The following DLGAP2 variants were observed in gnomAD, a reference collection of about 807,000 sequenced individuals.
DLGAP2 encodes disks large-associated protein 2.
Under a neutral mutation model 100.3 loss-of-function variants are expected in DLGAP2, and 26 were observed. The observed-to-expected ratio is 0.26, with a 90% CI of 0.19 to 0.36. The LOEUF is 0.36. DLGAP2 is among the 10% of genes least tolerant of loss of function. DLGAP2 has a pLI of 1.00. For missense variants in DLGAP2, 1,858 were observed against 1,453.2 expected (o/e 1.28, Z -4.53); for synonymous variants, 886 against 630.1 (o/e 1.41, Z -6.08).
intron 3 of DLGAP2, among the ~76,000 whole-genome samples, chr8:1,444,066 C>T (rs767615510): frequency 6.6e-6 from 1 of 152,028 alleles, no homozygotes; most frequent in African/African-American, 2.4e-5. Context: ...GGAAAAAAAC[C>T]ATGCTCTCCC....
chr8:850,383 G>T (rs1797163379), intron 1 of DLGAP2, among the ~76,000 whole-genome samples: 1 of 151,982 alleles, frequency 6.6e-6, no homozygotes, highest in African/African-American at 2.4e-5. Flanking sequence ...TCTGCACTTT[G>T]TGCAGAAATT....
intron 4 of DLGAP2, among the ~76,000 whole-genome samples, chr8:1,524,689 C>G (rs190497389): frequency 6.6e-6 from 1 of 152,172 alleles, no homozygotes; most frequent in Admixed American, 6.5e-5. Context: ...AAAAAACCTT[C>G]TCATTGCCTT....
At chr8:1,621,667 G>C (rs937750490) in intron 6 of DLGAP2, 10 of 152,440 alleles carry the variant, frequency 6.6e-5, no homozygotes, top group African/African-American at 1.9e-4. Context: ...TCACATCTCG[G>C]AGGCACCGTC....
chr8:831,207 CTT>C (rs59545503), intron 1 of DLGAP2, among the ~76,000 whole-genome samples: 11,492 of 127,538 alleles, frequency 0.09, 1,094 homozygotes, highest in East Asian at 0.49. Context: ...CCAGCAGTCA[CTT>C]TTTTTTTTTT....
rs1585066036 is a variant in DLGAP2, at chr8:1,688,857, T to A, written c.2705-2678T>A. Among the ~76,000 whole-genome samples, 4 of 152,344 alleles carry A rather than the reference T, an allele frequency of 2.6e-5. No individual in the cohort carries two copies. In the East Asian group the frequency reaches 5.8e-4, roughly 22 times the overall value. On this transcript the variant is annotated intron_variant, in intron 12 of 14. Transcript: ENST00000637795. ...TTGACTTCTGGGTCACGGCGTGCCA[T>A]AAGCCCTTTCAAATCAAGGTTATCT...
intron 4 of DLGAP2, among the ~76,000 whole-genome samples, chr8:1,526,312 C>G (rs920509641): frequency 1.3e-5 from 2 of 151,976 alleles, no homozygotes; most frequent in African/African-American, 4.8e-5. Context: ...ACCTTCCTAC[C>G]TCTTACCTGC....
chr8:1,219,665 T>A (rs1256216922), intron 2 of DLGAP2, among the ~76,000 whole-genome samples: 1 of 152,114 alleles, frequency 6.6e-6, no homozygotes, highest in East Asian at 1.9e-4. Context: ...CTCCTTGATT[T>A]TTTGGAATAG....
At chr8:1,512,762 T>C (rs906344619) in intron 4 of DLGAP2, among the ~76,000 whole-genome samples, 3 of 152,372 alleles carry the variant, frequency 2.0e-5, no homozygotes, top group African/African-American at 7.2e-5. Context: ...CTTTGACTTA[T>C]CAATCTAAAG....
intron 3 of DLGAP2, among the ~76,000 whole-genome samples, chr8:1,329,663 T>A (rs149380032): frequency 3.7e-4 from 56 of 152,254 alleles, no homozygotes; most frequent in African/African-American, 9.9e-4. Context: ...GGTTGCCTTC[T>A]AACTGCAGAG....
chr8:834,112 G>A (rs918731713), intron 1 of DLGAP2, among the ~76,000 whole-genome samples: 7 of 152,180 alleles, frequency 4.6e-5, no homozygotes, highest in Non-Finnish European at 8.8e-5. Flanking sequence ...GCAACTCAGC[G>A]TTGCCTAGTA....
intron 1 of DLGAP2, among the ~76,000 whole-genome samples, chr8:826,691 C>T (rs760875808): frequency 1.2e-4 from 19 of 152,114 alleles, no homozygotes; most frequent in South Asian, 2.1e-4. Context: ...CTTCTCTGCC[C>T]GTCTGTGCTT....
intron 2 of DLGAP2, among the ~76,000 whole-genome samples, chr8:1,010,517 C>T (rs1042663566): frequency 2.0e-5 from 3 of 152,210 alleles, no homozygotes; most frequent in African/African-American, 7.2e-5. Context: ...GGCACACATA[C>T]GCCCACACAC....
chr8:1,494,724 T>TC (rs1383359663), intron 3 of DLGAP2, among the ~76,000 whole-genome samples: 2 of 150,298 alleles, frequency 1.3e-5, no homozygotes, highest in Non-Finnish European at 3.0e-5. Flanking sequence ...CCAGACTCCA[T>TC]CTAAAAAAAA....
chr8:1,284,509 G>A (rs741807), intron 3 of DLGAP2, among the ~76,000 whole-genome samples: 10,411 of 152,184 alleles, frequency 0.068, 1,090 homozygotes, highest in African/African-American at 0.23. Context: ...CAGTCCCCAC[G>A]CAAACCACGA....
At chr8:1,646,758 TGGGACA>T (rs1361962024) in intron 8 of DLGAP2, among the ~76,000 whole-genome samples, 2 of 152,190 alleles carry the variant, frequency 1.3e-5, no homozygotes, top group Non-Finnish European at 2.9e-5. Context: ...CTGGCACTGC[TGGGACA>T]GGTCACTAGT....
At chr8:1,641,599 G>C (rs1331772919) in intron 8 of DLGAP2, among the ~76,000 whole-genome samples, 1 of 152,154 alleles carries the variant, frequency 6.6e-6, no homozygotes, top group African/African-American at 2.4e-5. Context: ...CTATGGCTCT[G>C]TCTCTTCCCT....
intron 6 of DLGAP2, among the ~76,000 whole-genome samples, chr8:1,579,953 C>T (rs576618423): frequency 9.2e-5 from 14 of 152,270 alleles, no homozygotes; most frequent in East Asian, 7.7e-4. Flanking sequence ...CAGGGCAGCA[C>T]GACTCAGCCA....
intron 3 of DLGAP2, among the ~76,000 whole-genome samples, chr8:1,280,953 G>A (rs982060040): frequency 6.6e-5 from 10 of 152,188 alleles, no homozygotes; most frequent in Non-Finnish European, 1.2e-4. Flanking sequence ...GGGGAATGTG[G>A]ATTTGGAGCC....
Position 1,705,616 on chromosome 8 carries a change from A to T in DLGAP2, c.*4210A>T, listed in dbSNP as rs1038736460. 6.6e-6 allele frequency: 1 copy of T among 152,414 alleles called. No individual in the cohort carries two copies. The highest frequency in any genetic ancestry group is 2.4e-5 in the African/African-American group (1 of 41,476). The allele number at this position is 152,414 out of a possible 1,614,324, so 9.4% of individuals were successfully genotyped here. On this transcript the variant is annotated 3_prime_UTR_variant, in exon 15 of 15. Transcript: ENST00000637795. ...GAAAACTGAAATTGCCCCACCTGTG[A>T]GCACAGAAACACGCTTCTCCAACAC...
Sources: gnomAD v4.1 joint callset for allele counts (sites outside exome capture counted in the v4.1 genomes callset) on GRCh38, gnomAD v4.1.1 for gene constraint, MANE v1.5 for transcripts, NCBI Gene and HGNC (gene_info 2026-07-23, HGNC 2026-07-21) for gene names.